EPHA5: variants seen among roughly 807,000 people sequenced by gnomAD.
EPHA5 encodes the protein EPH receptor A5, also known as ephrin type-A receptor 5.
In EPHA5, 60 loss-of-function variants were observed where a neutral mutation model predicts 105.0. That is an observed-to-expected ratio of 0.57 (90% CI 0.46 to 0.71). The LOEUF is 0.71. EPHA5 is among the 30% of genes least tolerant of loss of function. EPHA5 has a pLI of 0.00. For missense variants in EPHA5, 1,218 were observed against 1,274.7 expected (o/e 0.96, Z 0.68); for synonymous variants, 513 against 449.1 (o/e 1.14, Z -1.80).
chr4:65,339,172 T>C (rs1277063295), intron 14 of EPHA5, among the ~76,000 whole-genome samples: 1 of 152,160 alleles, frequency 6.6e-6, no homozygotes, highest in African/African-American at 2.4e-5. Flanking sequence ...TATAGTATTA[T>C]TCATTTGATG....
chr4:65,669,321 A>G (rs936156965), intron 1 of EPHA5: 86 of 905,144 alleles, frequency 9.5e-5, no homozygotes, highest in East Asian at 1.2e-4. Flanking sequence ...CAGCCCCCCA[A>G]CCAGCCTCTG....
intron 3 of EPHA5, among the ~76,000 whole-genome samples, chr4:65,498,843 T>G (rs1414482585): frequency 6.6e-6 from 1 of 151,666 alleles, no homozygotes; most frequent in East Asian, 1.9e-4. Context: ...TGGTTCAATA[T>G]TATCCAAGAA....
At chr4:65,637,321 A>G (rs1747217368) in intron 2 of EPHA5, among the ~76,000 whole-genome samples, 1 of 150,084 alleles carries the variant, frequency 6.7e-6, no homozygotes, top group Non-Finnish European at 1.5e-5. Context: ...CATTGCTGTC[A>G]TTGTCACAGA....
intron 2 of EPHA5, among the ~76,000 whole-genome samples, chr4:65,610,226 G>A (rs1054756826): frequency 3.9e-5 from 6 of 152,100 alleles, no homozygotes; most frequent in Non-Finnish European, 7.4e-5. Flanking sequence ...CCTGTCCTTT[G>A]CAGCAACATG....
intron 3 of EPHA5, among the ~76,000 whole-genome samples, chr4:65,521,158 A>C (rs1734671515): frequency 6.6e-6 from 1 of 152,202 alleles, no homozygotes; most frequent in Non-Finnish European, 1.5e-5. Context: ...GAATTAAGAA[A>C]ATATGGCACA....
chr4:65,394,168 CA>C (rs1268269493), intron 8 of EPHA5, among the ~76,000 whole-genome samples: 1 of 152,090 alleles, frequency 6.6e-6, no homozygotes, highest in East Asian at 1.9e-4. Flanking sequence ...TACTAAAATT[CA>C]ATGTATTTTT....
At chr4:65,580,715 AAAGT>A (rs1218818569) in intron 3 of EPHA5, among the ~76,000 whole-genome samples, 1 of 151,854 alleles carries the variant, frequency 6.6e-6, no homozygotes, top group African/African-American at 2.4e-5. Flanking sequence ...AAAGAGGACA[AAAGT>A]TGAGCATAAA....
intron 5 of EPHA5, among the ~76,000 whole-genome samples, chr4:65,425,952 C>T (rs1194612808): frequency 1.3e-5 from 2 of 152,024 alleles, no homozygotes; most frequent in African/African-American, 4.8e-5. Context: ...TTGCTTAGTC[C>T]TTAGAATATT....
intron 5 of EPHA5, among the ~76,000 whole-genome samples, chr4:65,465,555 GAA>G (rs1728629527): frequency 7.9e-6 from 1 of 127,010 alleles, no homozygotes; most frequent in East Asian, 2.2e-4. Context: ...GGAAAGGAAG[GAA>G]AGGAAGGAAA....
chr4:65,466,201 T>G (rs1728703319), intron 5 of EPHA5, among the ~76,000 whole-genome samples: 1 of 152,190 alleles, frequency 6.6e-6, no homozygotes, highest in Non-Finnish European at 1.5e-5. Flanking sequence ...TGAGAATGTT[T>G]GAATGAAAGG....
intron 2 of EPHA5, among the ~76,000 whole-genome samples, chr4:65,629,353 G>T (rs1191655693): frequency 2.0e-5 from 3 of 152,182 alleles, no homozygotes; most frequent in African/African-American, 7.2e-5. Context: ...TAACTGGATA[G>T]AGGCAGGAGT....
In EPHA5 at chr4:65,320,403, T is replaced by C. The variant is rs1487210677; in HGVS notation, c.*3711A>G. ...TTTGCTTAATTTGAAGTTAAACATC[T>C]GGCAGGACATTAGCAAAGACAGTTT... On this transcript the variant is annotated 3_prime_UTR_variant, in exon 17 of 17. Coordinates refer to ENST00000613740, the MANE Select transcript of EPHA5 (RefSeq NM_001281766.3). 1 of 230,064 alleles carries C rather than the reference T, an allele frequency of 4.3e-6. No homozygotes were observed. The highest frequency in any genetic ancestry group is 6.1e-5 in the East Asian group (1 of 16,268). 14.3% of individuals were successfully genotyped at this position (230,064 alleles called of 1,614,324 possible). A position where few individuals can be genotyped will look rare whatever the true frequency, so the allele number is the denominator to read the frequency against.
chr4:65,589,734 A>T (rs1243591388), intron 3 of EPHA5, among the ~76,000 whole-genome samples: 1 of 152,182 alleles, frequency 6.6e-6, no homozygotes, highest in Non-Finnish European at 1.5e-5. Context: ...AGCTTTTAGC[A>T]TTGGAAAATA....
intron 3 of EPHA5, among the ~76,000 whole-genome samples, chr4:65,517,463 T>C (rs1016578416): frequency 1.3e-5 from 2 of 151,954 alleles, no homozygotes; most frequent in Non-Finnish European, 2.9e-5. Flanking sequence ...TTTGATTTCT[T>C]ATTGTACTCT....
chr4:65,587,118 A>G (rs971827718), intron 3 of EPHA5, among the ~76,000 whole-genome samples: 2 of 152,098 alleles, frequency 1.3e-5, no homozygotes, highest in African/African-American at 4.8e-5. Flanking sequence ...TTCAAACTGA[A>G]AGTCTCCTCC....
chr4:65,557,387 T>C (rs1285016543), intron 3 of EPHA5, among the ~76,000 whole-genome samples: 2 of 151,428 alleles, frequency 1.3e-5, no homozygotes, highest in African/African-American at 4.8e-5. Context: ...TAAATACTTT[T>C]TCCAACTCTG....
chr4:65,335,831 C>A, intron 15 of EPHA5, 101 bp downstream of exon 15: 1 of 1,206,494 alleles, frequency 8.3e-7, no homozygotes, highest in Non-Finnish European at 1.1e-6. Context: ...TATAGATTCA[C>A]AGATTAATGT....
At chr4:65,595,820 T>C (rs912239086) in intron 3 of EPHA5, among the ~76,000 whole-genome samples, 3 of 152,126 alleles carry the variant, frequency 2.0e-5, no homozygotes, top group Non-Finnish European at 4.4e-5. Flanking sequence ...GACCTCGTGA[T>C]CCACCTGCCT....
At chr4:65,632,277 A>T (rs530385260) in intron 2 of EPHA5, among the ~76,000 whole-genome samples, 16 of 152,194 alleles carry the variant, frequency 1.1e-4, no homozygotes, top group African/African-American at 3.9e-4. Context: ...TCAATGGAGG[A>T]GTAGCCCCAT....
Sources: allele counts gnomAD v4.1 joint callset (sites outside exome capture counted in the v4.1 genomes callset), GRCh38; gene constraint gnomAD v4.1.1; transcripts MANE v1.5; gene names NCBI Gene and HGNC (gene_info 2026-07-23, HGNC 2026-07-21).